Variants in DGKB observed in about 807,000 individuals in gnomAD.
DGKB encodes diacylglycerol kinase beta.
A neutral mutation model predicts 114.3 loss-of-function variants in DGKB; 67 were observed. The ratio of observed to expected loss-of-function variants is 0.59; its 90% CI spans 0.48 to 0.72. The LOEUF is 0.72. DGKB is among the 30% of genes least tolerant of loss of function. The probability of loss-of-function intolerance (pLI) is 0.00; values close to 1 mark genes in which losing one functional copy is unlikely to be tolerated. For synonymous variants in DGKB, 398 were observed against 323.1 expected (o/e 1.23, Z -2.49); for missense variants, 907 against 975.2 (o/e 0.93, Z 0.93).
At chr7:14,797,550 C>G (rs145236977) in intron 2 of DGKB, among the ~76,000 whole-genome samples, 1 of 152,148 alleles carries the variant, frequency 6.6e-6, no homozygotes. Flanking sequence ...TAAAATCAGG[C>G]TTTTTCAGAG....
chr7:14,686,084 A>G (rs1372425572), intron 9 of DGKB, among the ~76,000 whole-genome samples: 2 of 152,090 alleles, frequency 1.3e-5, no homozygotes, highest in African/African-American at 4.8e-5. Flanking sequence ...AAATATTAAA[A>G]CTGTATTAAT....
chr7:14,970,139 C>A (rs1269161510), intron 1 of DGKB, among the ~76,000 whole-genome samples: 1 of 152,122 alleles, frequency 6.6e-6, no homozygotes, highest in Non-Finnish European at 1.5e-5. Flanking sequence ...TATGACATGA[C>A]TTCAATCATT....
chr7:14,365,794 G>C (rs1816574779), intron 21 of DGKB, among the ~76,000 whole-genome samples: 1 of 151,914 alleles, frequency 6.6e-6, no homozygotes, highest in Non-Finnish European at 1.5e-5. Context: ...AATATAATTA[G>C]CACAAAAAAG....
intron 13 of DGKB, among the ~76,000 whole-genome samples, chr7:14,670,115 G>T (rs930643382): frequency 6.6e-6 from 1 of 151,754 alleles, no homozygotes; most frequent in African/African-American, 2.4e-5. Flanking sequence ...TTGTTATTTT[G>T]TTTTCAATAG....
intron 20 of DGKB, among the ~76,000 whole-genome samples, chr7:14,493,106 A>G (rs1459583864): frequency 6.6e-6 from 1 of 152,114 alleles, no homozygotes; most frequent in East Asian, 1.9e-4. Context: ...AGGCAAGTAT[A>G]TGTGGTCAAT....
At chr7:14,969,334 A>G (rs217607) in intron 1 of DGKB, among the ~76,000 whole-genome samples, 32,879 of 152,126 alleles carry the variant, frequency 0.22, 4,125 homozygotes, top group African/African-American at 0.34. Flanking sequence ...TCAGGCTTCA[A>G]TGAACAATGG....
Position 14,432,767 on chromosome 7 carries a change from T to A in DGKB, c.1835+45394A>T, listed in dbSNP as rs138266276. ...ATTTCTTTAGCTTTATTTCAGTTTT[T>A]ATTTTATCTCCTCTATTTCCCTCAT... On this transcript the variant is annotated intron_variant, in intron 21 of 25. Transcript: ENST00000402815. Among the ~76,000 whole-genome samples the A allele has an allele frequency of 1.1e-4, 16 of 152,320 alleles. No individual in the cohort carries two copies. In the East Asian group the frequency reaches 1.5e-3, roughly 15 times the overall value.
At chr7:14,643,077 C>T (rs1203540975) in intron 13 of DGKB, among the ~76,000 whole-genome samples, 2 of 152,140 alleles carry the variant, frequency 1.3e-5, no homozygotes, top group African/African-American at 4.8e-5. Context: ...AATGGAGCAT[C>T]TAAGGGAGAA....
At chr7:14,299,924 C>CA (rs67546816) in intron 23 of DGKB, among the ~76,000 whole-genome samples, 13,823 of 151,628 alleles carry the variant, frequency 0.091, 708 homozygotes, top group East Asian at 0.14. Context: ...AAAAAAAATA[C>CA]AAAAAAGCAA....
chr7:14,214,615 A>G (rs567042407), intron 23 of DGKB, among the ~76,000 whole-genome samples: 162 of 152,176 alleles, frequency 1.1e-3, no homozygotes, highest in Non-Finnish European at 2.0e-3. Flanking sequence ...TATTAATTAG[A>G]AAAAATAATC....
At position 14,218,716 on chromosome 7, in the gene DGKB, A is replaced by C. The variant is rs188369164; in HGVS notation, c.2123-40565T>G. ...CCTTTGAGAAAGAAGCTGAACCACCATTCCCGGGACAGAGTTTTTTTTTAT... is the reference window on the plus strand; with the variant it reads ...CCTTTGAGAAAGAAGCTGAACCACCCTTCCCGGGACAGAGTTTTTTTTTAT... On this transcript the variant is annotated intron_variant, in intron 23 of 25. Transcript: ENST00000402815. 3.0e-4 allele frequency among the ~76,000 whole-genome samples: 46 copies of C among 152,028 alleles called. 1 individual carries two copies. The highest frequency in any genetic ancestry group is 1.0e-3 in the African/African-American group (42 of 41,548).
intron 4 of DGKB, among the ~76,000 whole-genome samples, chr7:14,741,060 T>C (rs781097706): frequency 6.6e-6 from 1 of 152,066 alleles, no homozygotes; most frequent in African/African-American, 2.4e-5. Context: ...TTGAAAAAAA[T>C]GCCTTCTTTG....
chr7:14,957,546 T>C (rs541901012), intron 1 of DGKB, among the ~76,000 whole-genome samples: 19 of 152,170 alleles, frequency 1.2e-4, no homozygotes, highest in African/African-American at 4.6e-4. Flanking sequence ...TATGAATATA[T>C]TTCCTGAGGC....
chr7:14,628,586 G>A (rs1366685427), intron 14 of DGKB, among the ~76,000 whole-genome samples: 1 of 152,020 alleles, frequency 6.6e-6, no homozygotes, highest in Non-Finnish European at 1.5e-5. Context: ...GAATATAAAT[G>A]TACATATTTT....
intron 1 of DGKB, among the ~76,000 whole-genome samples, chr7:14,892,050 G>A (rs1397615346): frequency 6.6e-6 from 1 of 151,392 alleles, no homozygotes; most frequent in African/African-American, 2.4e-5. Flanking sequence ...TTGTGCAATA[G>A]AGCTATTTAT....
At chr7:14,212,616 T>C (rs1788302884) in intron 23 of DGKB, among the ~76,000 whole-genome samples, 1 of 152,106 alleles carries the variant, frequency 6.6e-6, no homozygotes, top group Non-Finnish European at 1.5e-5. Flanking sequence ...ATTGCCATCA[T>C]CTTGCAGATG....
At chr7:14,610,107 C>T (rs2128788259) in intron 16 of DGKB, among the ~76,000 whole-genome samples, 1 of 152,100 alleles carries the variant, frequency 6.6e-6, no homozygotes, top group African/African-American at 2.4e-5. Flanking sequence ...AGAGCAAAGA[C>T]ATGGAATCAA....
intron 22 of DGKB, among the ~76,000 whole-genome samples, chr7:14,341,624 G>T (rs1811612964): frequency 6.6e-6 from 1 of 151,840 alleles, no homozygotes; most frequent in African/African-American, 2.4e-5. Flanking sequence ...GCCATTGTCT[G>T]CTCTTTTCAG....
chr7:14,249,392 A>AT (rs1329525132), intron 23 of DGKB, among the ~76,000 whole-genome samples: 1 of 152,034 alleles, frequency 6.6e-6, no homozygotes, highest in Non-Finnish European at 1.5e-5. Context: ...TTCTTCTTCC[A>AT]TTTTTTGAAG....
Sources: gnomAD v4.1 joint callset for allele counts (sites outside exome capture counted in the v4.1 genomes callset) on GRCh38, gnomAD v4.1.1 for gene constraint, MANE v1.5 for transcripts, NCBI Gene and HGNC (gene_info 2026-07-23, HGNC 2026-07-21) for gene names.